SCFD2: variants seen among roughly 807,000 people sequenced by gnomAD.
SCFD2 encodes sec1 family domain-containing protein 2.
Under a neutral mutation model 58.9 loss-of-function variants are expected in SCFD2, and 54 were observed. That is an observed-to-expected ratio of 0.92 (90% CI 0.74 to 1.15). The LOEUF (loss-of-function observed/expected upper bound fraction) is 1.15. SCFD2 is among the 50% of genes most tolerant of loss of function. The pLI, the probability that SCFD2 is intolerant of heterozygous loss-of-function variation, is 0.00. For synonymous variants in SCFD2, 321 were observed against 335.9 expected, an observed-to-expected ratio of 0.96 and a Z score of 0.49; for missense variants, 805 against 836.6, an observed-to-expected ratio of 0.96 and a Z score of 0.47.
At chr4:53,286,305 G>A (rs541466780) in intron 3 of SCFD2, among the ~76,000 whole-genome samples, 10 of 152,196 alleles carry the variant, frequency 6.6e-5, no homozygotes, top group East Asian at 1.9e-4. Flanking sequence ...CAGCCTAGTG[G>A]AGCGGCCATG....
At chr4:53,163,490 G>A (rs1371838179) in intron 4 of SCFD2, among the ~76,000 whole-genome samples, 2 of 152,148 alleles carry the variant, frequency 1.3e-5, no homozygotes, top group South Asian at 2.1e-4. Flanking sequence ...TAAGGAGGCC[G>A]AGGTGGGCAG....
intron 5 of SCFD2, among the ~76,000 whole-genome samples, chr4:52,980,311 GT>G (rs1253394470): frequency 6.6e-6 from 1 of 152,126 alleles, no homozygotes; most frequent in African/African-American, 2.4e-5. Context: ...ATTATTCCTG[GT>G]TTACAGATGA....
intron 4 of SCFD2, among the ~76,000 whole-genome samples, chr4:53,253,444 G>A (rs1202263103): frequency 6.6e-6 from 1 of 152,060 alleles, no homozygotes; most frequent in African/African-American, 2.4e-5. Context: ...GCACACGTAT[G>A]TTTATTGCAG....
intron 2 of SCFD2, among the ~76,000 whole-genome samples, chr4:53,351,246 T>G (rs1195712403): frequency 6.6e-6 from 1 of 152,178 alleles, no homozygotes; most frequent in East Asian, 1.9e-4. Context: ...TGAGGTCATC[T>G]CTCACTGACG....
intron 6 of SCFD2, among the ~76,000 whole-genome samples, chr4:52,918,185 A>G (rs890203564): frequency 7.2e-5 from 11 of 152,220 alleles, no homozygotes; most frequent in Non-Finnish European, 1.2e-4. Flanking sequence ...CCAAATTGGT[A>G]GATGAGATGA....
intron 1 of SCFD2, among the ~76,000 whole-genome samples, chr4:53,356,786 G>C (rs919440343): frequency 8.8e-5 from 13 of 147,860 alleles, no homozygotes; most frequent in African/African-American, 3.3e-4. Context: ...ACCCAGCCTG[G>C]AGTGCAGTGG....
chr4:53,089,190 T>A (rs1560330371), intron 5 of SCFD2, among the ~76,000 whole-genome samples: 1 of 152,216 alleles, frequency 6.6e-6, no homozygotes, highest in Non-Finnish European at 1.5e-5. Context: ...TCCAACAGAC[T>A]AAGGCAAATG....
Position 52,887,949 on chromosome 4 carries a change from G to A in SCFD2, c.1843-2083C>T, listed in dbSNP as rs79311215. ...GACGGAGTCTCGCTCTGTCGCCCAG[G>A]CCGGACTGCGGACTGCAGTGGTGCG... On this transcript the variant is annotated intron_variant, in intron 7 of 8. Transcript: ENST00000401642. Among the ~76,000 whole-genome samples, 3 of 136,944 alleles carry A rather than the reference G, an allele frequency of 2.2e-5. No homozygotes were observed. In the East Asian group the frequency reaches 6.6e-4, roughly 30 times the overall value. The allele number at this position is 136,944 out of a possible 152,430, so 89.8% of individuals were successfully genotyped here.
intron 2 of SCFD2, among the ~76,000 whole-genome samples, chr4:53,345,622 A>T (rs1734033121): frequency 6.6e-6 from 1 of 152,238 alleles, no homozygotes; most frequent in Admixed American, 6.5e-5. Context: ...ATTATAAATC[A>T]TGCTGCCATA....
At chr4:52,916,257 T>C (rs908811525) in intron 6 of SCFD2, among the ~76,000 whole-genome samples, 8 of 152,168 alleles carry the variant, frequency 5.3e-5, no homozygotes, top group African/African-American at 1.9e-4. Flanking sequence ...GCATTTGCAG[T>C]AAGAAACGGA....
At chr4:53,279,350 G>A (rs969308369) in intron 3 of SCFD2, among the ~76,000 whole-genome samples, 2 of 152,064 alleles carry the variant, frequency 1.3e-5, no homozygotes, top group Non-Finnish European at 2.9e-5. Context: ...TCAAACTGCT[G>A]GCCTCAAGCA....
chr4:53,349,610 C>A (rs1427396156), intron 2 of SCFD2, among the ~76,000 whole-genome samples: 1 of 152,284 alleles, frequency 6.6e-6, no homozygotes, highest in East Asian at 1.9e-4. Flanking sequence ...AGCATCACTG[C>A]CAAGGGAAAT....
chr4:53,291,927 T>C (rs1046909743), intron 3 of SCFD2, among the ~76,000 whole-genome samples: 14 of 152,306 alleles, frequency 9.2e-5, no homozygotes, highest in African/African-American at 2.9e-4. Context: ...GCTAGCCATA[T>C]GCAGAAAATT....
rs1718688258 is a variant in SCFD2, at chr4:52,884,473, T to C, written c.1962+1274A>G. ...CCTCTGGCATGACAATTCTGAGTCA[T>C]GTAACACCACCTCCTCAGGGGCCAC... On this transcript the variant is annotated intron_variant, in intron 8 of 8. Coordinates refer to ENST00000401642, the MANE Select transcript of SCFD2 (RefSeq NM_152540.4). Among the ~76,000 whole-genome samples, 4 of 152,160 alleles carry C rather than the reference T, an allele frequency of 2.6e-5. No individual in the cohort carries two copies. The South Asian group carries it at 8.3e-4, about 32-fold the overall frequency.
chr4:52,993,059 T>G (rs1318376003), intron 5 of SCFD2, among the ~76,000 whole-genome samples: 1 of 152,036 alleles, frequency 6.6e-6, no homozygotes, highest in African/African-American at 2.4e-5. Context: ...AGAAAAATTC[T>G]TCTGCCTTGG....
At chr4:53,191,096 C>T (rs941774079) in intron 4 of SCFD2, among the ~76,000 whole-genome samples, 12 of 151,888 alleles carry the variant, frequency 7.9e-5, no homozygotes, top group Non-Finnish European at 8.8e-5. Context: ...GCCTGTAATC[C>T]CAGCACTTTG....
chr4:53,097,169 T>C (rs1246753755), intron 5 of SCFD2, among the ~76,000 whole-genome samples: 1 of 152,192 alleles, frequency 6.6e-6, no homozygotes, highest in African/African-American at 2.4e-5. Context: ...GCTTTGTTCT[T>C]TTGGCTTAGG....
intron 3 of SCFD2, among the ~76,000 whole-genome samples, chr4:53,278,598 A>G (rs1235075585): frequency 6.6e-6 from 1 of 152,126 alleles, no homozygotes; most frequent in East Asian, 1.9e-4. Context: ...CTCAGCTACC[A>G]TATTTATGTA....
rs1726409532 is a variant in SCFD2 at position 53,148,635 on chromosome 4, C to T, written c.1312-3053G>A. On this transcript the variant is annotated intron_variant, in intron 4 of 8. Coordinates refer to ENST00000401642, the MANE Select transcript of SCFD2 (RefSeq NM_152540.4). ...AGGTCTCCATTTTCACTTTCTCCCC[C>T]TTTTCTTTTTTTAAAAACTTTACCA... 2.0e-5 allele frequency among the ~76,000 whole-genome samples: 3 copies of T among 152,202 alleles called. No homozygotes were observed. The South Asian group carries it at 6.2e-4, about 32-fold the overall frequency.
Sources: allele counts gnomAD v4.1 joint callset (sites outside exome capture counted in the v4.1 genomes callset), GRCh38; gene constraint gnomAD v4.1.1; transcripts MANE v1.5; gene names NCBI Gene and HGNC (gene_info 2026-07-23, HGNC 2026-07-21).